The following GNL2 variants were observed in gnomAD, a reference collection of about 807,000 sequenced individuals.
GNL2 encodes G protein nucleolar 2, also known as nucleolar GTP-binding protein 2.
Under a neutral mutation model 92.3 loss-of-function variants are expected in GNL2, and 51 were observed. That is an observed-to-expected ratio of 0.55 (90% CI 0.44 to 0.70). GNL2 has a LOEUF of 0.70. GNL2 is among the 30% of genes least tolerant of loss of function. The pLI, the probability that GNL2 is intolerant of heterozygous loss-of-function variation, is 0.00. For synonymous variants in GNL2, 283 were observed against 300.6 expected (o/e 0.94, Z 0.61); for missense variants, 844 against 895.6 (o/e 0.94, Z 0.74).
chr1:37,576,207 A>C, intron 9 of GNL2: 1 of 480,292 alleles, frequency 2.1e-6, no homozygotes, highest in Non-Finnish European at 3.7e-6. Flanking sequence ...AATCACATTA[A>C]CTAACACAGG....
At position 37,595,880 on chromosome 1, in the gene GNL2, T is replaced by G; in HGVS notation, c.-58A>C. The G allele has an allele frequency of 1.4e-6, 2 of 1,479,468 alleles. No individual in the cohort carries two copies. Among genetic ancestry groups the G allele is most frequent in the Non-Finnish European group, 1.9e-6 (2 of 1,057,720 alleles). 91.6% of individuals were successfully genotyped at this position (1,479,468 alleles called of 1,614,324 possible). A position where few individuals can be genotyped will look rare whatever the true frequency, so the allele number is the denominator to read the frequency against. Reference sequence around the variant, plus strand: ...TCCGGCTTACGTGGTGAAACAAACTTTTATGTTCCCAAGCCCGGCCGAAGA... The same window carrying G: ...TCCGGCTTACGTGGTGAAACAAACTGTTATGTTCCCAAGCCCGGCCGAAGA... On this transcript the variant is annotated 5_prime_UTR_variant, in exon 1 of 16. Coordinates refer to ENST00000373062, the MANE Select transcript of GNL2 (RefSeq NM_013285.3).
intron 4 of GNL2, among the ~76,000 whole-genome samples, chr1:37,589,431 A>G (rs1039011426): frequency 6.6e-6 from 1 of 152,112 alleles, no homozygotes; most frequent in African/African-American, 2.4e-5. Context: ...CAGCCTCCTG[A>G]GTAGCTGGGA....
At chr1:37,582,157 C>A (rs2148137055) in intron 8 of GNL2, 66 bp downstream of exon 8, 1 of 1,094,744 alleles carries the variant, frequency 9.1e-7, no homozygotes, top group Non-Finnish European at 1.3e-6. Flanking sequence ...TATGCCATGG[C>A]AAGACAGATT....
rs1236792124 is a variant in GNL2 at position 37,587,427 on chromosome 1, T to C, written c.453A>G (p.Lys151=). Reference sequence around the variant, plus strand: ...TATCACTTGCAAATAAGTTTGGTCGTTTCCTCTGTGACTTAGGGCCAAATG... The same window carrying C: ...TATCACTTGCAAATAAGTTTGGTCGCTTCCTCTGTGACTTAGGGCCAAATG... ...ETTFGPKSQR[K]RPNLFASDMQ... is the part of the protein sequence containing the mutation. The change falls in exon 5 of 16, where the codon AAA becomes AAG. Residue 151 remains lysine, a synonymous_variant. Coordinates refer to ENST00000373062, the MANE Select transcript of GNL2 (RefSeq NM_013285.3). 3.1e-6 allele frequency: 5 copies of C among 1,613,648 alleles called. No homozygotes were observed. Among genetic ancestry groups the C allele is most frequent in the Non-Finnish European group, 4.2e-6 (5 of 1,179,618 alleles).
chr1:37,594,181 C>T (rs1444716885), intron 1 of GNL2: 6 of 181,106 alleles, frequency 3.3e-5, no homozygotes, highest in African/African-American at 1.2e-4. Context: ...CCCCATGCTG[C>T]GGAGTGAGAA....
At chr1:37,570,332 C>T (rs772946937) in intron 12 of GNL2, 1 of 152,140 alleles carries the variant, frequency 6.6e-6, no homozygotes, top group Non-Finnish European at 1.5e-5. Context: ...GAGTTCAAGA[C>T]CAGCTTGGCC....
rs1315098097 is a variant in GNL2 at position 37,569,292 on chromosome 1, G to A, written c.1427C>T (p.Ser476Phe). 2 of 1,608,018 alleles carry A rather than the reference G, an allele frequency of 1.2e-6. No individual in the cohort carries two copies. The highest frequency in any genetic ancestry group is 2.2e-5 in the South Asian group (2 of 90,912). Residue 476 changes from serine to phenylalanine, a missense_variant, in exon 13 of 16, where the codon TCC becomes TTC. By Grantham distance (155) the Ser-to-Phe change is radical (BLOSUM62 -2). Coordinates refer to ENST00000373062, the MANE Select transcript of GNL2 (RefSeq NM_013285.3). ...TTCTGGGACAACTTCCAAAGATGAGGAGGGTAGAAGCTATTAAGGGGTGGA... is the reference window on the plus strand; with the variant it reads ...TTCTGGGACAACTTCCAAAGATGAGAAGGGTAGAAGCTATTAAGGGGTGGA... ...EPLVAPQLLPSSSLEVVPEAA... is the reference protein window; with the variant it reads ...EPLVAPQLLPFSSLEVVPEAA...
At position 37,568,937 on chromosome 1, in the gene GNL2, T is replaced by C. The variant is rs752606655; in HGVS notation, c.1782A>G (p.Lys594=). 6.2e-7 allele frequency: 1 copy of C among 1,614,016 alleles called. No homozygotes were observed. The highest frequency in any genetic ancestry group is 8.5e-7 in the Non-Finnish European group (1 of 1,179,990). ...PEEENVGNDT[K]AVIKALDEKI... Reference sequence around the variant, plus strand: ...TCTCATCCAGTGCTTTAATAACGGCTTTGGTGTCGTTTCCCACATTTTCCT... The same window carrying C: ...TCTCATCCAGTGCTTTAATAACGGCCTTGGTGTCGTTTCCCACATTTTCCT... The change falls in exon 13 of 16, where the codon AAA becomes AAG. Residue 594 remains lysine (K), a synonymous_variant. Transcript: ENST00000373062.
At chr1:37,574,878 G>T in intron 10 of GNL2, 55 bp from the exon 11 acceptor site, 2 of 1,275,598 alleles carry the variant, frequency 1.6e-6, no homozygotes, top group Non-Finnish European at 2.3e-6. Context: ...AAGCAGTGAA[G>T]TTCCCAGTGT....
At chr1:37,590,194 C>A (rs550165502) in intron 4 of GNL2, among the ~76,000 whole-genome samples, 2 of 152,286 alleles carry the variant, frequency 1.3e-5, no homozygotes, top group South Asian at 4.1e-4. Flanking sequence ...GCAATCTCTG[C>A]CTCCCAGGTT....
Position 37,574,404 on chromosome 1 carries a change from T to C in GNL2, c.1355A>G (p.Gln452Arg). 1.2e-6 allele frequency: 2 copies of C among 1,614,066 alleles called. No homozygotes were observed. The highest frequency in any genetic ancestry group is 8.5e-7 in the Non-Finnish European group (1 of 1,179,992). ...GACAAAGAAAGGAATCCGGCCCCTC[T>C]GCCAGTCATTGAGGACCATCTTACC... ...TVGKMVLNDW[Q>R]RGRIPFFVKP... Residue 452 changes from glutamine to arginine, a missense_variant, in exon 12 of 16, where the codon CAG (glutamine) becomes CGG (arginine). Transcript: ENST00000373062.
rs1356546432 is a variant in GNL2, at chr1:37,575,076, G to A, written c.1144-253C>T. On this transcript the variant is annotated intron_variant, in intron 10 of 15. Transcript: ENST00000373062. This position sits in a 1 kb window ranked among gnomAD's most constrained non-coding sequence, Gnocchi z 4.1. ...ACAAACTAACTGTGTGGCTGCCACA[G>A]TTTAAACTTGGAATGCTTCATGTTA... 3.3e-5 allele frequency among the ~76,000 whole-genome samples: 5 copies of A among 152,186 alleles called. No individual in the cohort carries two copies. The highest frequency in any genetic ancestry group is 7.3e-5 in the Non-Finnish European group (5 of 68,030).
intron 8 of GNL2, among the ~76,000 whole-genome samples, chr1:37,578,273 T>C (rs1479479823): frequency 6.6e-6 from 1 of 151,954 alleles, no homozygotes; most frequent in Non-Finnish European, 1.5e-5. Context: ...ACCCCAACTC[T>C]ACTCAAAATA....
intron 4 of GNL2, among the ~76,000 whole-genome samples, chr1:37,589,099 C>T (rs543605270): frequency 6.6e-5 from 10 of 152,158 alleles, no homozygotes; most frequent in Admixed American, 5.2e-4. Context: ...GGAGAACAGA[C>T]AAAGAGAACA....
intron 5 of GNL2, among the ~76,000 whole-genome samples, chr1:37,585,984 G>A (rs7535432): frequency 0.21 from 32,143 of 152,012 alleles, 3,770 homozygotes; most frequent in East Asian, 0.33. Flanking sequence ...GCTTTGCTCC[G>A]TAAGAACTTA....
At chr1:37,592,036 A>G (rs1296864424) in intron 3 of GNL2, among the ~76,000 whole-genome samples, 2 of 152,200 alleles carry the variant, frequency 1.3e-5, no homozygotes, top group Non-Finnish European at 1.5e-5. Flanking sequence ...TGCAGTTCTT[A>G]GGAAGTATCC....
intron 12 of GNL2, among the ~76,000 whole-genome samples, chr1:37,573,574 T>C (rs1643628505): frequency 6.6e-6 from 1 of 152,226 alleles, no homozygotes; most frequent in Non-Finnish European, 1.5e-5. Flanking sequence ...CAGGGCTGTT[T>C]TTCGTTCCTA....
chr1:37,567,337 G>A (rs1418150558), intron 15 of GNL2, among the ~76,000 whole-genome samples: 1 of 152,216 alleles, frequency 6.6e-6, no homozygotes, highest in Non-Finnish European at 1.5e-5. Context: ...CTCTAGCTCT[G>A]AACAGCTCAG....
intron 9 of GNL2, 175 bp downstream of exon 9, chr1:37,576,253 T>C (rs890211067): frequency 5.2e-6 from 3 of 580,040 alleles, no homozygotes; most frequent in Non-Finnish European, 9.0e-6. Context: ...ATACTCTCAG[T>C]CTTATCAAAG....
Sources: allele counts gnomAD v4.1 joint callset (sites outside exome capture counted in the v4.1 genomes callset), GRCh38; gene constraint gnomAD v4.1.1; non-coding constraint Gnocchi (gnomAD v3.1); transcripts MANE v1.5; gene names NCBI Gene and HGNC (gene_info 2026-07-23, HGNC 2026-07-21).